SCFD1: variants seen among roughly 807,000 people sequenced by gnomAD.
SCFD1 encodes sec1 family domain containing 1, also known as sec1 family domain-containing protein 1.
In SCFD1, 37 loss-of-function variants were observed where a neutral mutation model predicts 103.2. The ratio of observed to expected loss-of-function variants is 0.36; its 90% CI spans 0.28 to 0.47. SCFD1 has a LOEUF of 0.47. Among genes scored for constraint, SCFD1 ranks in the 20% least tolerant of loss-of-function variants. The pLI, the probability that SCFD1 is intolerant of heterozygous loss-of-function variation, is 1.00. For synonymous variants in SCFD1, 264 were observed against 245.0 expected (o/e 1.08, Z -0.73); for missense variants, 639 against 761.2 (o/e 0.84, Z 1.89).
At position 30,706,946 on chromosome 14, in the gene SCFD1, G is replaced by A. The variant is rs147478078; in HGVS notation, c.1554-1044G>A. On this transcript the variant is annotated intron_variant, in intron 18 of 24. Coordinates refer to ENST00000458591, the MANE Select transcript of SCFD1 (RefSeq NM_016106.4). ...TAGCACACCCCCACAGAGTTGCCTG[G>A]TGACAGGAATCGCTCCAGGGCCATT... is the stretch of plus-strand genomic sequence containing the variant. Among the ~76,000 whole-genome samples, 56 of 152,276 alleles carry A rather than the reference G, an allele frequency of 3.7e-4. 1 individual carries two copies. Among genetic ancestry groups the A allele is most frequent in the African/African-American group, 1.3e-3 (55 of 41,546 alleles).
intron 2 of SCFD1, among the ~76,000 whole-genome samples, chr14:30,629,228 AAG>A (rs1229230759): frequency 1.8e-4 from 28 of 152,300 alleles, no homozygotes; most frequent in African/African-American, 6.7e-4. Flanking sequence ...TTGAGATTAA[AAG>A]AGGGAAGATT....
chr14:30,625,313 CAGG>C (rs1365838153), intron 1 of SCFD1, among the ~76,000 whole-genome samples: 1 of 152,000 alleles, frequency 6.6e-6, no homozygotes, highest in Non-Finnish European at 1.5e-5. Flanking sequence ...TGCTTGCGAC[CAGG>C]AGTGTTTTTG....
At chr14:30,714,623 C>T (rs1324122041) in intron 19 of SCFD1, among the ~76,000 whole-genome samples, 1 of 151,996 alleles carries the variant, frequency 6.6e-6, no homozygotes, top group African/African-American at 2.4e-5. Context: ...GTTTTATGAT[C>T]TAAGAAAATG....
chr14:30,675,046 C>A lies in SCFD1; in HGVS notation c.1223C>A (p.Ala408Asp). The A allele has an allele frequency of 1.9e-6, 3 of 1,584,628 alleles. No homozygotes were observed. Among genetic ancestry groups the A allele is most frequent in the Non-Finnish European group, 2.6e-6 (3 of 1,165,470 alleles). ...GATCTCCATACAAATGTTGCCACTGCTGTTTTAGAACATATAAAGGTAAAT... is the reference window on the plus strand; with the variant it reads ...GATCTCCATACAAATGTTGCCACTGATGTTTTAGAACATATAAAGGTAAAT... ...LIDLHTNVAT[A>D]VLEHIKARKL... Residue 408 changes from alanine to aspartate, a missense_variant, in exon 14 of 25, where the codon GCT becomes GAT. By Grantham distance (126) the Ala-to-Asp change is moderately radical. Coordinates refer to ENST00000458591, the MANE Select transcript of SCFD1 (RefSeq NM_016106.4).
rs777164660 is a variant in SCFD1 at position 30,634,006 on chromosome 14, C to T, written c.281C>T (p.Pro94Leu). The T allele has an allele frequency of 1.3e-6, 2 of 1,595,670 alleles. No individual in the cohort carries two copies. The highest frequency in any genetic ancestry group is 2.7e-5 in the African/African-American group (2 of 74,078). Residue 94 changes from proline (P) to leucine (L), a missense_variant, in exon 4 of 25, where the codon CCA becomes CTA. Pro to Leu is a moderately conservative substitution (Grantham distance 98). Coordinates refer to ENST00000458591, the MANE Select transcript of SCFD1 (RefSeq NM_016106.4). ...GTTCCTGCAGTATACTTTGTAATGC[C>T]AACTGAAGAAAATATTGACAGAATG... ...PDVPAVYFVM[P>L]TEENIDRMCQ...
chr14:30,681,030 C>T (rs778255271), intron 14 of SCFD1, among the ~76,000 whole-genome samples: 3 of 152,110 alleles, frequency 2.0e-5, no homozygotes, highest in Non-Finnish European at 1.5e-5. Context: ...GCCAGGAGAC[C>T]GGCCTGGCCA....
At chr14:30,659,657 C>T (rs976650888) in intron 10 of SCFD1, among the ~76,000 whole-genome samples, 2 of 152,128 alleles carry the variant, frequency 1.3e-5, no homozygotes, top group Non-Finnish European at 2.9e-5. Flanking sequence ...GAACAAGCTT[C>T]CCAAATATAT....
rs553959830 is a variant in SCFD1 at position 30,643,210 on chromosome 14, A to T, written c.524-106A>T. The T allele has an allele frequency of 2.0e-5, 16 of 811,366 alleles. No homozygotes were observed. In the African/African-American group the frequency reaches 2.1e-4, roughly 11 times the overall value. 50.3% of individuals were successfully genotyped at this position (811,366 alleles called of 1,614,324 possible). A position where few individuals can be genotyped will look rare whatever the true frequency, so the allele number is the denominator to read the frequency against. ...TTAAACCAAAAAATTTCACTTGCTG[A>T]GTTTTATTATATGTCAATTAAGAAT... On this transcript the variant is annotated intron_variant, in intron 6 of 24. Transcript: ENST00000458591.
At chr14:30,727,764 G>T (rs1443868883) in intron 23 of SCFD1, among the ~76,000 whole-genome samples, 1 of 152,064 alleles carries the variant, frequency 6.6e-6, no homozygotes, top group African/African-American at 2.4e-5. Context: ...CATTCGGCAA[G>T]AGGACTTACC....
intron 8 of SCFD1, 118 bp downstream of exon 8, chr14:30,649,701 T>C: frequency 1.4e-6 from 1 of 690,958 alleles, no homozygotes; most frequent in Non-Finnish European, 2.4e-6. Context: ...TAGGTACCAA[T>C]AGCAAATATT....
intron 14 of SCFD1, chr14:30,675,287 G>A: frequency 5.8e-6 from 2 of 345,792 alleles, no homozygotes; most frequent in Non-Finnish European, 1.1e-5. Context: ...AAATAGAAGT[G>A]GGAATCTATG....
At chr14:30,626,353 A>G (rs1026235189) in intron 1 of SCFD1, among the ~76,000 whole-genome samples, 27 of 152,028 alleles carry the variant, frequency 1.8e-4, no homozygotes, top group African/African-American at 5.8e-4. Context: ...GTGCCCTGAG[A>G]ATGACCCTGT....
At chr14:30,732,811 T>G (rs1406536838) in intron 23 of SCFD1, among the ~76,000 whole-genome samples, 1 of 152,168 alleles carries the variant, frequency 6.6e-6, no homozygotes, top group Non-Finnish European at 1.5e-5. Context: ...TGGTATAACT[T>G]TGGTATAATT....
intron 7 of SCFD1, among the ~76,000 whole-genome samples, chr14:30,645,824 T>A (rs1885765079): frequency 6.6e-6 from 1 of 152,184 alleles, no homozygotes; most frequent in Non-Finnish European, 1.5e-5. Context: ...TATTTCTTTC[T>A]CTTGCCTGAT....
intron 18 of SCFD1, 88 bp from the exon 19 acceptor site, chr14:30,707,902 G>T (rs1165664263): frequency 1.1e-6 from 1 of 887,142 alleles, no homozygotes; most frequent in African/African-American, 1.6e-5. Context: ...ATCAGCATGT[G>T]GTGTGTAATC....
intron 14 of SCFD1, among the ~76,000 whole-genome samples, chr14:30,677,054 A>C (rs781047170): frequency 6.6e-6 from 1 of 152,214 alleles, no homozygotes; most frequent in Non-Finnish European, 1.5e-5. Context: ...TTATAAAAGA[A>C]AGTGTTCCCT....
chr14:30,622,375 G>A lies in SCFD1; in HGVS notation c.37G>A (p.Ala13Thr), dbSNP rs752794588. ...GGCGGCAGCGACAGCAGCAGCAGCA[G>A]CCAGTATTCGGGAAAGGCAGACAGG... ...AAAAATAAAA[A>T]SIRERQTVAL... The change falls in exon 1 of 25, where the codon GCC becomes ACC. Residue 13 changes from alanine to threonine, a missense_variant. Coordinates refer to ENST00000458591, the MANE Select transcript of SCFD1 (RefSeq NM_016106.4). 1 of 1,558,336 alleles carries A rather than the reference G, an allele frequency of 6.4e-7. No homozygotes were observed. The highest frequency in any genetic ancestry group is 8.7e-7 in the Non-Finnish European group (1 of 1,150,920).
intron 10 of SCFD1, among the ~76,000 whole-genome samples, chr14:30,668,389 A>G (rs1475436649): frequency 1.3e-5 from 2 of 152,240 alleles, no homozygotes; most frequent in Non-Finnish European, 2.9e-5. Flanking sequence ...ACCTTATACA[A>G]AAATTAATTC....
chr14:30,643,117 A>G (rs1238108394), intron 6 of SCFD1, among the ~76,000 whole-genome samples, 199 bp from the exon 7 acceptor site: 1 of 152,130 alleles, frequency 6.6e-6, no homozygotes, highest in East Asian at 1.9e-4. Context: ...AGGCTGCAGT[A>G]AGCCGTGATC....
Sources: gnomAD v4.1 joint callset for allele counts (sites outside exome capture counted in the v4.1 genomes callset) on GRCh38, gnomAD v4.1.1 for gene constraint, MANE v1.5 for transcripts, NCBI Gene and HGNC (gene_info 2026-07-23, HGNC 2026-07-21) for gene names.